Variants in IGSF10 observed in about 807,000 individuals in gnomAD.
IGSF10 encodes calvaria mechanical force protein 608.
IGSF10 carries 126 observed loss-of-function variants against 128.2 expected under a neutral mutation model. The observed-to-expected ratio is 0.98, with a 90% CI of 0.85 to 1.14. The LOEUF (loss-of-function observed/expected upper bound fraction) is 1.14, where lower values mean the gene tolerates loss of function less well. Among genes scored for constraint, IGSF10 ranks in the 50% most tolerant of loss-of-function variants. The pLI, the probability that IGSF10 is intolerant of heterozygous loss-of-function variation, is 0.00. For synonymous variants in IGSF10, 1,185 were observed against 1,146.2 expected (o/e 1.03, Z -0.68); for missense variants, 3,295 against 3,149.8 (o/e 1.05, Z -1.10).
chr3:151,510,954 T>C, the IGSF10 span, among the ~76,000 whole-genome samples: 1 of 152,126 alleles, frequency 6.6e-6, no homozygotes, highest in Non-Finnish European at 1.5e-5. Flanking sequence ...CCAAGAAATA[T>C]GGGACTATGT....
At chr3:151,573,376 G>A in the IGSF10 span, among the ~76,000 whole-genome samples, 5 of 152,160 alleles carry the variant, frequency 3.3e-5, no homozygotes, top group Admixed American at 1.3e-4. Context: ...TTTCTTTGTA[G>A]GTCTCTAAGG....
chr3:151,589,363 C>T, the IGSF10 span, among the ~76,000 whole-genome samples: 6 of 152,202 alleles, frequency 3.9e-5, no homozygotes, highest in African/African-American at 1.4e-4. Context: ...TGCAGATGTG[C>T]CATCACTAAT....
At chr3:151,563,052 G>C in the IGSF10 span, among the ~76,000 whole-genome samples, 1 of 152,100 alleles carries the variant, frequency 6.6e-6, no homozygotes, top group African/African-American at 2.4e-5. Flanking sequence ...CATAGAGAAG[G>C]AGTGAATCTC....
At chr3:151,497,639 G>A in the IGSF10 span, among the ~76,000 whole-genome samples, 7 of 152,170 alleles carry the variant, frequency 4.6e-5, no homozygotes, top group Non-Finnish European at 8.8e-5. Context: ...TTTTGGCTTA[G>A]GATTGACTTG....
chr3:151,566,901 C>A, the IGSF10 span, among the ~76,000 whole-genome samples: 1 of 152,218 alleles, frequency 6.6e-6, no homozygotes, highest in Non-Finnish European at 1.5e-5. Context: ...ACTGTCAGCT[C>A]CATGCTCACC....
At position 151,438,543 on chromosome 3, in the gene IGSF10, T is replaced by C. The variant is rs760865266; in HGVS notation, c.6018A>G (p.Val2006=). 6.2e-7 allele frequency: 1 copy of C among 1,613,954 alleles called. No individual in the cohort carries two copies. The highest frequency in any genetic ancestry group is 1.7e-5 in the Admixed American group (1 of 60,012). ...AGTAGACACCACTGTCTTTTTCTGT[T>C]ACTGATCCAATAAACAGGGATCCAT... ...YPNGSLFIGS[V]TEKDSGVYLC... is the part of the protein sequence containing the mutation. Residue 2006 remains valine (V), a synonymous_variant, in exon 8 of 8, where the codon GTA becomes GTG. Coordinates refer to ENST00000282466, the MANE Select transcript of IGSF10 (RefSeq NM_178822.5).
chr3:151,479,966 AATCATTACTTTT>A, the IGSF10 span, among the ~76,000 whole-genome samples: 1 of 152,074 alleles, frequency 6.6e-6, no homozygotes, highest in African/African-American at 2.4e-5. Context: ...ATAAGTGACA[AATCATTACTTTT>A]ATCACACTTT....
At chr3:151,466,876 G>A in the IGSF10 span, among the ~76,000 whole-genome samples, 7 of 152,160 alleles carry the variant, frequency 4.6e-5, no homozygotes, top group East Asian at 1.3e-3. Context: ...ATTATGCCTG[G>A]CTCAACGTGT....
At chr3:151,440,807 T>C (rs184726460) in intron 7 of IGSF10, 31 of 350,834 alleles carry the variant, frequency 8.8e-5, no homozygotes, top group African/African-American at 1.5e-4. Context: ...AAGGTTTCCA[T>C]GTGCAGCAAA....
intron 2 of IGSF10, among the ~76,000 whole-genome samples, chr3:151,459,888 A>G: frequency 6.6e-6 from 1 of 152,208 alleles, no homozygotes. Context: ...CTGAGAAATA[A>G]CACTGGGGCT....
In IGSF10 at chr3:151,458,704, C is replaced by T; in HGVS notation, c.6G>A (p.Lys2=). 1 of 1,611,852 alleles carries T rather than the reference C, an allele frequency of 6.2e-7. No homozygotes were observed. The highest frequency in any genetic ancestry group is 8.5e-7 in the Non-Finnish European group (1 of 1,178,994). The change falls in exon 3 of 8, where the codon AAG becomes AAA. Residue 2 remains lysine, a synonymous_variant. Coordinates refer to ENST00000282466, the MANE Select transcript of IGSF10 (RefSeq NM_178822.5). M[K]VKGRGITCLL... ...AGCAGGTGATTCCTCTGCCTTTTAC[C>T]TTCATCCTGAAAAAACATCATACCT...
chr3:151,449,923 G>A (rs1223643559), intron 5 of IGSF10, among the ~76,000 whole-genome samples: 6 of 152,196 alleles, frequency 3.9e-5, no homozygotes, highest in African/African-American at 9.7e-5. Context: ...CTAAAAGGAA[G>A]GGTCAAGGAA....
At chr3:151,468,876 A>G in the IGSF10 span, among the ~76,000 whole-genome samples, 1 of 152,212 alleles carries the variant, frequency 6.6e-6, no homozygotes, top group Non-Finnish European at 1.5e-5. Context: ...ATTTATCCTG[A>G]TGCTCTCCCT....
chr3:151,467,561 G>T, the IGSF10 span, among the ~76,000 whole-genome samples: 1 of 152,156 alleles, frequency 6.6e-6, no homozygotes, highest in African/African-American at 2.4e-5. Flanking sequence ...CCCTCCAAAA[G>T]CTCCTCATGA....
the IGSF10 span, among the ~76,000 whole-genome samples, chr3:151,500,410 A>C: frequency 2.6e-3 from 399 of 152,238 alleles, 4 homozygotes; most frequent in African/African-American, 9.4e-3. Context: ...CAAATTTCAC[A>C]TGGGGATATC....
the IGSF10 span, among the ~76,000 whole-genome samples, chr3:151,514,788 C>T: frequency 0.027 from 4,101 of 152,090 alleles, 132 homozygotes; most frequent in East Asian, 0.17. Flanking sequence ...ACAAACAACC[C>T]CATCAAAAAG....
In IGSF10 at chr3:151,447,805, G is replaced by GTGT. The variant is rs759261786; in HGVS notation, c.2173_2175dup (p.Thr725dup). On this transcript the variant is annotated inframe_insertion, in exon 6 of 8. Transcript: ENST00000282466. ...TGTGTTGAATCTCCACGTCGCTGGA[G>GTGT]TGTTAATTCCCGATAGTTGTGCCTC... 23 of 1,614,190 alleles carry GTGT rather than the reference G, an allele frequency of 1.4e-5. 1 individual carries two copies. The South Asian group carries it at 2.4e-4, about 17-fold the overall frequency.
the IGSF10 span, among the ~76,000 whole-genome samples, chr3:151,570,157 C>G: frequency 1.3e-5 from 2 of 152,110 alleles, no homozygotes; most frequent in Admixed American, 1.3e-4. Flanking sequence ...GGGTTGGTTC[C>G]AAGTCTTTGC....
At chr3:151,577,705 T>C in the IGSF10 span, among the ~76,000 whole-genome samples, 1 of 152,034 alleles carries the variant, frequency 6.6e-6, no homozygotes, top group East Asian at 1.9e-4. Flanking sequence ...AACTCTTTCT[T>C]TTTTTTTCCT....
Sources: allele counts gnomAD v4.1 joint callset (sites outside exome capture counted in the v4.1 genomes callset), GRCh38; gene constraint gnomAD v4.1.1; transcripts MANE v1.5; gene names NCBI Gene and HGNC (gene_info 2026-07-23, HGNC 2026-07-21).